The following CERS1 variants were observed in gnomAD, a reference collection of about 807,000 sequenced individuals.
The protein encoded by CERS1 is Embryonic growth/differentiation factor 1.
A neutral mutation model predicts 35.7 loss-of-function variants in CERS1; 16 were observed. That is an observed-to-expected ratio of 0.45 (90% CI 0.30 to 0.68). The LOEUF (loss-of-function observed/expected upper bound fraction) is 0.68, where lower values mean the gene tolerates loss of function less well. CERS1 is among the 30% of genes least tolerant of loss of function. The probability of loss-of-function intolerance (pLI) is 0.08; values close to 1 mark genes in which losing one functional copy is unlikely to be tolerated. For missense variants in CERS1, 454 were observed against 453.9 expected (o/e 1.00, Z 0.00); for synonymous variants, 243 against 201.6 (o/e 1.21, Z -1.74).
At chr19:18,885,511 GTTTTTTTTTTTTT>G (rs59793456) in intron 2 of CERS1, among the ~76,000 whole-genome samples, 1 of 22,122 alleles carries the variant, frequency 4.5e-5, no homozygotes, top group African/African-American at 1.1e-4. Context: ...GCCCCTTCTC[GTTTTTTTTTTTTT>G]TTTTTTTTTT....
chr19:18,885,517 T>TGG (rs143416454), intron 2 of CERS1, among the ~76,000 whole-genome samples: 1 of 137,542 alleles, frequency 7.3e-6, no homozygotes, highest in Non-Finnish European at 1.5e-5. Flanking sequence ...TCTCGTTTTT[T>TGG]TTTTTTTTTT....
In CERS1 at chr19:18,878,635, ACTCC is replaced by A. The variant is rs2056110700; in HGVS notation, c.1010+291_1010+294del. On this transcript the variant is annotated intron_variant, in intron 6 of 7. Transcript: ENST00000623882. This position sits in a 1 kb window ranked among gnomAD's most constrained non-coding sequence, Gnocchi z 4.6. Reference sequence around the variant, plus strand: ...ACCACCCACAGGGCCCTGGCTCGCCACTCCCGCCACACCAGCCACTAGGCCTGGC... The same window carrying A: ...ACCACCCACAGGGCCCTGGCTCGCCACGCCACACCAGCCACTAGGCCTGGC... 1.6e-6 allele frequency: 2 copies of A among 1,214,644 alleles called. No individual in the cohort carries two copies. The highest frequency in any genetic ancestry group is 3.2e-5 in the African/African-American group (2 of 63,158). 75.2% of individuals were successfully genotyped at this position (1,214,644 alleles called of 1,614,324 possible).
intron 6 of CERS1, among the ~76,000 whole-genome samples, chr19:18,874,151 A>G (rs568621526): frequency 6.6e-6 from 1 of 152,262 alleles, no homozygotes; most frequent in Admixed American, 6.5e-5. Flanking sequence ...CAGCAGCTGG[A>G]CATCCTCACC....
At chr19:18,880,171 A>C (rs1268016268) in intron 4 of CERS1, 103 bp downstream of exon 4, 8 of 1,181,670 alleles carry the variant, frequency 6.8e-6, no homozygotes, top group African/African-American at 5.4e-5. Context: ...CACCCACCTC[A>C]CCGGGCCCCG....
At chr19:18,884,386 G>A in intron 2 of CERS1, 119 bp from the exon 3 acceptor site, 1 of 891,248 alleles carries the variant, frequency 1.1e-6, no homozygotes, top group South Asian at 1.9e-5. Flanking sequence ...AACCATGCGT[G>A]TCTGACTGCT....
At chr19:18,896,643 C>A (rs1601198582), upstream of CERS1, 1 of 152,504 alleles carries the variant, frequency 6.6e-6, no homozygotes, top group Middle Eastern at 3.4e-3. The surrounding 1 kb of genome is among the most constrained non-coding windows in gnomAD (Gnocchi z 5.9). Context: ...CGTGGCCCTC[C>A]CGCATTCAGG....
chr19:18,889,685 C>G (rs1390748504), intron 2 of CERS1, among the ~76,000 whole-genome samples: 1 of 152,170 alleles, frequency 6.6e-6, no homozygotes, highest in African/African-American at 2.4e-5. Flanking sequence ...CCACCTTGGC[C>G]TCCCAAAGTA....
chr19:18,875,201 G>A (rs998819991), intron 6 of CERS1, among the ~76,000 whole-genome samples: 46 of 150,736 alleles, frequency 3.1e-4, no homozygotes, highest in Admixed American at 2.6e-3. Context: ...GAGCCAGTGC[G>A]CTCCAGCGTG....
intron 6 of CERS1, among the ~76,000 whole-genome samples, chr19:18,872,145 A>AC (rs2055981580): frequency 6.6e-6 from 1 of 152,192 alleles, no homozygotes; most frequent in African/African-American, 2.4e-5. Context: ...CTCTAATGGT[A>AC]AAGTTTAGCA....
At chr19:18,875,112 T>G (rs922032851) in intron 6 of CERS1, among the ~76,000 whole-genome samples, 1 of 151,958 alleles carries the variant, frequency 6.6e-6, no homozygotes, top group Non-Finnish European at 1.5e-5. Flanking sequence ...GGTGGGTGCC[T>G]GTGGTTCCAG....
At position 18,895,915 on chromosome 19, in the gene CERS1, G is replaced by A. The variant is rs2056615240; in HGVS notation, c.158C>T (p.Ala53Val). The change falls in exon 1 of 8, where the codon GCG (alanine) becomes GTG (valine). Residue 53 changes from alanine (A) to valine (V), a missense_variant. Coordinates refer to ENST00000623882, the MANE Select transcript of CERS1 (RefSeq NM_021267.5). The surrounding 1 kb of genome is among the most constrained non-coding windows in gnomAD (Gnocchi z 6.4). ...CAGCAGCTCGGGCGGCGCCAGGTGC[G>A]CGTGCTCAGCCAGGCCGCGACGCGC... Reference protein sequence around the residue: ...GLARRGLAEHAHLAPPELLLL... With the variant: ...GLARRGLAEHVHLAPPELLLL... 8 of 1,242,160 alleles carry A rather than the reference G, an allele frequency of 6.4e-6. No homozygotes were observed. Among genetic ancestry groups the A allele is most frequent in the South Asian group, 2.3e-5 (1 of 43,888 alleles). 76.9% of individuals were successfully genotyped at this position (1,242,160 alleles called of 1,614,324 possible). A position where few individuals can be genotyped will look rare whatever the true frequency, so the allele number is the denominator to read the frequency against.
rs1418869881 is a variant in CERS1, at chr19:18,888,520, A to T, written c.410-4253T>A. 1.1e-4 allele frequency among the ~76,000 whole-genome samples: 4 copies of T among 35,604 alleles called. No individual in the cohort carries two copies. In the Admixed American group the frequency reaches 2.0e-3, roughly 18 times the overall value. 23.4% of individuals were successfully genotyped at this position (35,604 alleles called of 152,430 possible). A position where few individuals can be genotyped will look rare whatever the true frequency, so the allele number is the denominator to read the frequency against. ...GCGACAGAGTGAGACCCTGTCTCTT[A>T]AAAAAAAAAAAAAAAAAAAAAAAAA... On this transcript the variant is annotated intron_variant, in intron 2 of 7. Coordinates refer to ENST00000623882, the MANE Select transcript of CERS1 (RefSeq NM_021267.5).
chr19:18,874,904 T>C (rs1308545577), intron 6 of CERS1, among the ~76,000 whole-genome samples: 5 of 152,196 alleles, frequency 3.3e-5, no homozygotes, highest in East Asian at 1.9e-4. Context: ...CTAAAAGTGG[T>C]TCTCGGTCTT....
chr19:18,893,875 C>T (rs1016983681), intron 1 of CERS1, among the ~76,000 whole-genome samples: 2 of 145,966 alleles, frequency 1.4e-5, no homozygotes, highest in South Asian at 2.2e-4. Context: ...ATGAGGGAGA[C>T]GGATGGATGC....
In CERS1 at chr19:18,893,506, G is replaced by A. The variant is rs1039358825; in HGVS notation, c.319C>T (p.Leu107Phe). 1 of 1,610,302 alleles carries A rather than the reference G, an allele frequency of 6.2e-7. No individual in the cohort carries two copies. The highest frequency in any genetic ancestry group is 8.5e-7 in the Non-Finnish European group (1 of 1,178,582). Residue 107 changes from leucine (L) to phenylalanine (F), a missense_variant, in exon 2 of 8, where the codon CTC becomes TTC. Physicochemically the swap from Leu to Phe is conservative, Grantham distance 22. Coordinates refer to ENST00000623882, the MANE Select transcript of CERS1 (RefSeq NM_021267.5). Reference sequence around the variant, plus strand: ...TAGCTCCAGCTGCCCAGGTAGAAGAGAAACTTCCAAGCGCTCTCGGGCATC... The same window carrying A: ...TAGCTCCAGCTGCCCAGGTAGAAGAAAAACTTCCAAGCGCTCTCGGGCATC... ...AKMPESAWKFLFYLGSWSYSA... is the reference protein window; with the variant it reads ...AKMPESAWKFFFYLGSWSYSA...
chr19:18,876,395 C>G (rs1421223485), intron 6 of CERS1, among the ~76,000 whole-genome samples: 3 of 151,928 alleles, frequency 2.0e-5, no homozygotes, highest in African/African-American at 7.3e-5. Flanking sequence ...CTCTGTTGCT[C>G]TGGAGTATAG....
intron 2 of CERS1, among the ~76,000 whole-genome samples, chr19:18,889,080 C>T (rs1289784466): frequency 6.6e-6 from 1 of 151,726 alleles, no homozygotes. Flanking sequence ...TTAGTAGAGA[C>T]AGGGTTTCAC....
At position 18,895,906 on chromosome 19, in the gene CERS1, G is replaced by A. The variant is rs1198439311; in HGVS notation, c.167C>T (p.Ala56Val). The change falls in exon 1 of 8, where the codon GCG (alanine) becomes GTG (valine). Residue 56 changes from alanine to valine, a missense_variant. Transcript: ENST00000623882. The surrounding 1 kb of genome is among the most constrained non-coding windows in gnomAD (Gnocchi z 6.4). ...RRGLAEHAHL[A>V]PPELLLLALG... ...CGCCAGCAGCAGCAGCTCGGGCGGCGCCAGGTGCGCGTGCTCAGCCAGGCC... is the reference window on the plus strand; with the variant it reads ...CGCCAGCAGCAGCAGCTCGGGCGGCACCAGGTGCGCGTGCTCAGCCAGGCC... 5 of 1,251,696 alleles carry A rather than the reference G, an allele frequency of 4.0e-6. No homozygotes were observed. In the East Asian group the frequency reaches 1.5e-4, roughly 37 times the overall value. 77.5% of individuals were successfully genotyped at this position (1,251,696 alleles called of 1,614,324 possible). A position where few individuals can be genotyped will look rare whatever the true frequency, so the allele number is the denominator to read the frequency against.
At chr19:18,893,257 C>G (rs2056539950) in intron 2 of CERS1, among the ~76,000 whole-genome samples, 159 bp downstream of exon 2, 1 of 152,200 alleles carries the variant, frequency 6.6e-6, no homozygotes, top group Non-Finnish European at 1.5e-5. Flanking sequence ...CTCTGTCGTC[C>G]AGGCTGGAGT....
Sources: allele counts gnomAD v4.1 joint callset (sites outside exome capture counted in the v4.1 genomes callset), GRCh38; gene constraint gnomAD v4.1.1; non-coding constraint Gnocchi (gnomAD v3.1); transcripts MANE v1.5; gene names NCBI Gene and HGNC (gene_info 2026-07-23, HGNC 2026-07-21).